The following RALGAPA2 variants were observed in gnomAD, a reference collection of about 807,000 sequenced individuals.
The protein encoded by RALGAPA2 is ral GTPase-activating protein subunit alpha-2.
Under a neutral mutation model 230.4 loss-of-function variants are expected in RALGAPA2, and 139 were observed. That is an observed-to-expected ratio of 0.60 (90% CI 0.53 to 0.69). The LOEUF is 0.69. Ranked by LOEUF, RALGAPA2 falls within the 30% of genes least tolerant of loss-of-function variation. The probability of loss-of-function intolerance (pLI) is 0.00; values close to 1 mark genes in which losing one functional copy is unlikely to be tolerated. For synonymous variants in RALGAPA2, 847 were observed against 837.8 expected, an observed-to-expected ratio of 1.01 and a Z score of -0.19; for missense variants, 2,163 against 2,276.0, an observed-to-expected ratio of 0.95 and a Z score of 1.01.
chr20:20,634,175 C>G (rs1050381574), intron 9 of RALGAPA2, among the ~76,000 whole-genome samples: 1 of 151,086 alleles, frequency 6.6e-6, no homozygotes, highest in South Asian at 2.1e-4. Flanking sequence ...CAGATAAACT[C>G]TTATTATTTG....
At chr20:20,569,589 A>C (rs951077304) in intron 23 of RALGAPA2, among the ~76,000 whole-genome samples, 1 of 152,188 alleles carries the variant, frequency 6.6e-6, no homozygotes, top group African/African-American at 2.4e-5. Flanking sequence ...TTTAAGCACA[A>C]AATTTGGAAA....
intron 16 of RALGAPA2, among the ~76,000 whole-genome samples, chr20:20,599,971 T>G (rs2146192555): frequency 6.8e-6 from 1 of 146,256 alleles, no homozygotes; most frequent in African/African-American, 2.6e-5. Context: ...AGACTCTGTC[T>G]CAAAAAAAAT....
Position 20,591,250 on chromosome 20 carries a change from T to C in RALGAPA2, c.2268A>G (p.Gly756=). Residue 756 remains glycine, a synonymous_variant, in exon 17 of 40, where the codon GGA becomes GGG. Coordinates refer to ENST00000202677, the MANE Select transcript of RALGAPA2 (RefSeq NM_020343.4). The stretch of plus-strand genomic sequence containing the variant: ...TGCTCCGAAGGACCTGCTGCTGCTG[T>C]CCCACTGTGAGATGGCCAGATCCGG... ...PAAGSGHLTV[G]QQQQVLRSSS... is the part of the protein sequence containing the mutation. The C allele has an allele frequency of 6.2e-7, 1 of 1,613,952 alleles. No individual in the cohort carries two copies. Among genetic ancestry groups the C allele is most frequent in the South Asian group, 1.1e-5 (1 of 91,082 alleles).
At chr20:20,605,599 G>A (rs762582812) in intron 14 of RALGAPA2, among the ~76,000 whole-genome samples, 187 bp from the exon 15 acceptor site, 5 of 152,034 alleles carry the variant, frequency 3.3e-5, no homozygotes, top group Admixed American at 6.5e-5. Flanking sequence ...AGCTATTGGG[G>A]AGTTAGTTAT....
At chr20:20,683,673 C>T (rs2068599149) in intron 1 of RALGAPA2, among the ~76,000 whole-genome samples, 2 of 152,168 alleles carry the variant, frequency 1.3e-5, no homozygotes, top group Non-Finnish European at 2.9e-5. Flanking sequence ...TTGCACAAAA[C>T]CCCTTGCCAG....
At chr20:20,421,986 G>A (rs554792321) in intron 37 of RALGAPA2, among the ~76,000 whole-genome samples, 10 of 152,248 alleles carry the variant, frequency 6.6e-5, no homozygotes, top group East Asian at 1.9e-4. Context: ...GCTGTGACAC[G>A]GATGGACTTT....
intron 25 of RALGAPA2, 106 bp from the exon 26 acceptor site, chr20:20,535,909 G>T: frequency 7.0e-7 from 1 of 1,422,280 alleles, no homozygotes; most frequent in East Asian, 2.7e-5. Flanking sequence ...TTCGACCAGG[G>T]AGCTCAGAGA....
chr20:20,490,894 A>ACT (rs1491315846), intron 36 of RALGAPA2, among the ~76,000 whole-genome samples: 219 of 145,044 alleles, frequency 1.5e-3, no homozygotes, highest in African/African-American at 4.3e-3. Context: ...ACACACACAC[A>ACT]CTCACACTCA....
At chr20:20,589,496 G>C in intron 17 of RALGAPA2, 131 bp from the exon 18 acceptor site, 1 of 1,009,800 alleles carries the variant, frequency 9.9e-7, no homozygotes, top group Admixed American at 2.8e-5. Flanking sequence ...AGGAGTTATG[G>C]GCCTGGCAAA....
chr20:20,589,796 T>TA (rs1302032152), intron 17 of RALGAPA2, among the ~76,000 whole-genome samples: 1 of 147,426 alleles, frequency 6.8e-6, no homozygotes, highest in Non-Finnish European at 1.5e-5. Context: ...GTTTCAGTAA[T>TA]AAAAAAGGGA....
chr20:20,410,869 C>G (rs1258170988), intron 38 of RALGAPA2, among the ~76,000 whole-genome samples: 1 of 152,202 alleles, frequency 6.6e-6, no homozygotes, highest in East Asian at 1.9e-4. Flanking sequence ...GCTCCTGCAC[C>G]TCTGCCAGCC....
At chr20:20,557,646 G>A (rs577802876) in intron 23 of RALGAPA2, among the ~76,000 whole-genome samples, 1 of 152,298 alleles carries the variant, frequency 6.6e-6, no homozygotes, top group East Asian at 1.9e-4. Flanking sequence ...TCTAATGTTG[G>A]AATCTAGGTT....
At position 20,653,599 on chromosome 20, in the gene RALGAPA2, A is replaced by T; in HGVS notation, c.271-12T>A. On this transcript the variant is annotated splice_polypyrimidine_tract_variant and intron_variant, in intron 3 of 39. Transcript: ENST00000202677. ...AACTGCAGTATTTTCTATTAAAAAA[A>T]GATATAAAGAAAATAAACAACAAAT... 1.4e-6 allele frequency: 2 copies of T among 1,404,324 alleles called. No homozygotes were observed. The highest frequency in any genetic ancestry group is 2.6e-5 in the South Asian group (2 of 77,918). The allele number at this position is 1,404,324 out of a possible 1,614,324, so 87.0% of individuals were successfully genotyped here.
At chr20:20,664,210 G>A (rs1454361573) in intron 3 of RALGAPA2, among the ~76,000 whole-genome samples, 1 of 152,138 alleles carries the variant, frequency 6.6e-6, no homozygotes, top group Non-Finnish European at 1.5e-5. Context: ...CAGATAAGGG[G>A]GACTACCGTA....
chr20:20,538,893 C>A (rs944644528), intron 24 of RALGAPA2, among the ~76,000 whole-genome samples: 5 of 152,160 alleles, frequency 3.3e-5, no homozygotes, highest in Non-Finnish European at 5.9e-5. Context: ...ATAGCCTCCC[C>A]TCCTGCAAAG....
intron 23 of RALGAPA2, among the ~76,000 whole-genome samples, chr20:20,559,347 C>A (rs945544788): frequency 6.6e-5 from 10 of 152,068 alleles, no homozygotes; most frequent in Non-Finnish European, 1.5e-4. Context: ...CGTGTTTAGA[C>A]AAAGAGCTCT....
chr20:20,601,909 G>A, intron 15 of RALGAPA2, 63 bp from the exon 16 acceptor site: 2 of 1,396,986 alleles, frequency 1.4e-6, no homozygotes, highest in Non-Finnish European at 1.9e-6. Flanking sequence ...TCACGCTTGT[G>A]TTGCTCAGCA....
chr20:20,647,608 T>C (rs535283321), intron 4 of RALGAPA2, among the ~76,000 whole-genome samples: 35 of 152,284 alleles, frequency 2.3e-4, no homozygotes, highest in African/African-American at 7.0e-4. Context: ...AAAAAACTGA[T>C]TAACTGGATT....
At chr20:20,521,880 C>T (rs2063053120) in intron 30 of RALGAPA2, among the ~76,000 whole-genome samples, 2 of 152,206 alleles carry the variant, frequency 1.3e-5, no homozygotes, top group Non-Finnish European at 2.9e-5. Context: ...TTTTAGATGA[C>T]TAGCTTTGGT....
Sources: allele counts gnomAD v4.1 joint callset (sites outside exome capture counted in the v4.1 genomes callset), GRCh38; gene constraint gnomAD v4.1.1; transcripts MANE v1.5; gene names NCBI Gene and HGNC (gene_info 2026-07-23, HGNC 2026-07-21).